FAM167A: variants seen among roughly 807,000 people sequenced by gnomAD.
FAM167A encodes family with sequence similarity 167 member A.
A neutral mutation model predicts 14.9 loss-of-function variants in FAM167A; 23 were observed. The observed-to-expected ratio is 1.55, with a 90% CI of 1.11 to 2.19. The LOEUF is 2.19. Among genes scored for constraint, FAM167A ranks in the 30% most tolerant of loss-of-function variants. The pLI is 0.00. For missense variants in FAM167A, 401 were observed against 281.5 expected, an observed-to-expected ratio of 1.42 and a Z score of -3.04; for synonymous variants, 174 against 117.7, an observed-to-expected ratio of 1.48 and a Z score of -3.10.
chr8:11,424,973 G>A (rs937760500), intron 2 of FAM167A, among the ~76,000 whole-genome samples: 2 of 152,120 alleles, frequency 1.3e-5, no homozygotes, highest in African/African-American at 4.8e-5. Flanking sequence ...AAAACATAGG[G>A]TAACAGCTAT....
intron 1 of FAM167A, among the ~76,000 whole-genome samples, chr8:11,461,072 C>A (rs543398695): frequency 9.8e-5 from 15 of 152,324 alleles, no homozygotes; most frequent in Admixed American, 7.2e-4. Flanking sequence ...TACTGCTTCC[C>A]TGTTGGTCAG....
At chr8:11,450,577 C>T (rs893171392) in intron 1 of FAM167A, among the ~76,000 whole-genome samples, 4 of 152,196 alleles carry the variant, frequency 2.6e-5, no homozygotes, top group Non-Finnish European at 5.9e-5. Context: ...AGCACTTACA[C>T]CCAGGGCCTT....
chr8:11,450,474 G>A (rs185302712), intron 1 of FAM167A, among the ~76,000 whole-genome samples: 273 of 152,328 alleles, frequency 1.8e-3, no homozygotes, highest in Non-Finnish European at 3.2e-3. Context: ...TGAAGCCACA[G>A]AGCTTATAAG....
upstream of FAM167A, among the ~76,000 whole-genome samples, chr8:11,471,407 G>C (rs933131951): frequency 2.0e-5 from 3 of 152,170 alleles, no homozygotes; most frequent in Non-Finnish European, 4.4e-5. Context: ...GGCCCACACA[G>C]AGGTTGTTTC....
In FAM167A at chr8:11,444,461, G is replaced by A. The variant is rs577141583; in HGVS notation, c.-50C>T. 1.3e-6 allele frequency: 2 copies of A among 1,508,238 alleles called. No individual in the cohort carries two copies. Among genetic ancestry groups the A allele is most frequent in the Non-Finnish European group, 1.8e-6 (2 of 1,130,956 alleles). The allele number at this position is 1,508,238 out of a possible 1,614,324, so 93.4% of individuals were successfully genotyped here. A position where few individuals can be genotyped will look rare whatever the true frequency, so the allele number is the denominator to read the frequency against. ...ACATGCGAGGGCACGGGGGGCGCAG[G>A]GGGAGGCTTGGTGGGTGGCACAGTT... On this transcript the variant is annotated 5_prime_UTR_variant, in exon 2 of 3. Transcript: ENST00000284486.
intron 1 of FAM167A, among the ~76,000 whole-genome samples, chr8:11,450,203 G>T (rs915864632): frequency 1.4e-4 from 21 of 152,320 alleles, no homozygotes; most frequent in Middle Eastern, 3.4e-3. Context: ...TCAGTTCTCA[G>T]GGATTTTCTC....
chr8:11,454,413 T>C (rs945738059), intron 1 of FAM167A, among the ~76,000 whole-genome samples: 1 of 152,212 alleles, frequency 6.6e-6, no homozygotes, highest in African/African-American at 2.4e-5. Flanking sequence ...CACTCTACCT[T>C]GCCCTGATGT....
At chr8:11,457,138 T>G (rs1807361518) in intron 1 of FAM167A, among the ~76,000 whole-genome samples, 1 of 138,854 alleles carries the variant, frequency 7.2e-6, no homozygotes, top group Non-Finnish European at 1.6e-5. Flanking sequence ...GGGGCTGGGT[T>G]AGGGGTGTGG....
At chr8:11,443,895 A>T (rs548447696) in intron 2 of FAM167A, 136 bp downstream of exon 2, 10 of 1,083,924 alleles carry the variant, frequency 9.2e-6, no homozygotes, top group Non-Finnish European at 1.1e-5. Context: ...AAGATTACAG[A>T]TGTGCACTTG....
chr8:11,444,019 G>A lies in FAM167A; in HGVS notation c.381+12C>T, dbSNP rs762899513. ...TCCTCTTTTCTGGGGATTCTTGGGG[G>A]CAGCCACTCACCAGTTCCTTCCTGA... is the stretch of plus-strand genomic sequence containing the variant. On this transcript the variant is annotated intron_variant, in intron 2 of 2. Transcript: ENST00000284486. 6.2e-7 allele frequency: 1 copy of A among 1,600,006 alleles called. No individual in the cohort carries two copies. The highest frequency in any genetic ancestry group is 1.7e-5 in the Admixed American group (1 of 58,134).
chr8:11,429,294 C>T (rs183783877), intron 2 of FAM167A, among the ~76,000 whole-genome samples: 1 of 152,196 alleles, frequency 6.6e-6, no homozygotes. Flanking sequence ...ATAAATTAAT[C>T]TTTTTAGAGA....
At chr8:11,469,944 T>A (rs570286804), upstream of FAM167A, among the ~76,000 whole-genome samples, 47 of 152,064 alleles carry the variant, frequency 3.1e-4, no homozygotes, top group African/African-American at 1.1e-3. Context: ...CTTAAAATAT[T>A]CTTTCAGAAT....
At chr8:11,468,120 C>G (rs1441248465), upstream of FAM167A, among the ~76,000 whole-genome samples, 2 of 152,236 alleles carry the variant, frequency 1.3e-5, no homozygotes. Context: ...CCTTTACCCT[C>G]TCTCAGCGCC....
At chr8:11,457,831 T>G (rs1807393965) in intron 1 of FAM167A, among the ~76,000 whole-genome samples, 1 of 152,212 alleles carries the variant, frequency 6.6e-6, no homozygotes, top group Non-Finnish European at 1.5e-5. Flanking sequence ...CTCTGAATTC[T>G]CCAGTCACTT....
intron 1 of FAM167A, among the ~76,000 whole-genome samples, chr8:11,459,823 C>A (rs1807467637): frequency 6.6e-6 from 1 of 152,234 alleles, no homozygotes; most frequent in South Asian, 2.1e-4. Flanking sequence ...TCAAGTGATT[C>A]TCCTGCCTCA....
chr8:11,473,815 GAGT>G (rs1411134229), intron 1 of FAM167A, among the ~76,000 whole-genome samples: 1 of 152,144 alleles, frequency 6.6e-6, no homozygotes, highest in African/African-American at 2.4e-5. Flanking sequence ...CTTAGACAGG[GAGT>G]AGCACACAGG....
At chr8:11,443,263 C>A (rs1470204121) in intron 2 of FAM167A, among the ~76,000 whole-genome samples, 1 of 152,212 alleles carries the variant, frequency 6.6e-6, no homozygotes, top group Non-Finnish European at 1.5e-5. Context: ...CTCTGCCCCC[C>A]CACCCTGTTC....
At position 11,443,949 on chromosome 8, in the gene FAM167A, A is replaced by G. The variant is rs1585257593; in HGVS notation, c.381+82T>C. The G allele has an allele frequency of 2.0e-6, 3 of 1,485,700 alleles. No individual in the cohort carries two copies. The East Asian group carries it at 6.9e-5, about 34-fold the overall frequency. 92.0% of individuals were successfully genotyped at this position (1,485,700 alleles called of 1,614,324 possible). A position where few individuals can be genotyped will look rare whatever the true frequency, so the allele number is the denominator to read the frequency against. On this transcript the variant is annotated intron_variant, in intron 2 of 2. Coordinates refer to ENST00000284486, the MANE Select transcript of FAM167A (RefSeq NM_053279.3). ...AGAAATACATGGTGGGGGTGGGGAGACAGACAGAGAGAGACAGAAAAAGAC... is the reference window on the plus strand; with the variant it reads ...AGAAATACATGGTGGGGGTGGGGAGGCAGACAGAGAGAGACAGAAAAAGAC...
Position 11,422,051 on chromosome 8 carries a change from C to T in FAM167A, c.*2322G>A, listed in dbSNP as rs917728939. 5.2e-5 allele frequency: 20 copies of T among 382,402 alleles called. No individual in the cohort carries two copies. The highest frequency in any genetic ancestry group is 1.5e-4 in the East Asian group (4 of 26,784). 23.7% of individuals were successfully genotyped at this position (382,402 alleles called of 1,614,324 possible). A position where few individuals can be genotyped will look rare whatever the true frequency, so the allele number is the denominator to read the frequency against. ...ATAATAAAGTTCTCTTAGGATAAACCGAGCAAAATAGCTCAGACATTTAAC... is the reference window on the plus strand; with the variant it reads ...ATAATAAAGTTCTCTTAGGATAAACTGAGCAAAATAGCTCAGACATTTAAC... On this transcript the variant is annotated 3_prime_UTR_variant, in exon 3 of 3. Transcript: ENST00000284486.
Sources: allele counts gnomAD v4.1 joint callset (sites outside exome capture counted in the v4.1 genomes callset), GRCh38; gene constraint gnomAD v4.1.1; transcripts MANE v1.5; gene names NCBI Gene and HGNC (gene_info 2026-07-23, HGNC 2026-07-21).